PPP1R13L: variants seen among roughly 807,000 people sequenced by gnomAD.
The protein encoded by PPP1R13L is relA-associated inhibitor.
In PPP1R13L, 50 loss-of-function variants were observed where a neutral mutation model predicts 80.9. The observed-to-expected ratio is 0.62, with a 90% confidence interval of 0.49 to 0.78. PPP1R13L has a LOEUF of 0.78. Ranked by LOEUF, PPP1R13L falls within the 30% of genes least tolerant of loss-of-function variation. The pLI, the probability that PPP1R13L is intolerant of heterozygous loss-of-function variation, is 0.00. For missense variants in PPP1R13L, 1,200 were observed against 1,205.9 expected, an observed-to-expected ratio of 1.00 and a Z score of 0.07; for synonymous variants, 602 against 534.3, an observed-to-expected ratio of 1.13 and a Z score of -1.75.
upstream of PPP1R13L, among the ~76,000 whole-genome samples, chr19:45,405,832 C>T (rs35106329): frequency 2.6e-5 from 4 of 152,324 alleles, no homozygotes; most frequent in South Asian, 2.1e-4. Flanking sequence ...CGCCGCCCAA[C>T]GCGGGGCGGC....
chr19:45,390,614 G>C (rs991552140), intron 8 of PPP1R13L, among the ~76,000 whole-genome samples: 1 of 152,036 alleles, frequency 6.6e-6, no homozygotes, highest in African/African-American at 2.4e-5. Flanking sequence ...TTTCTTTTTC[G>C]GGGAGCTCGG....
intron 1 of PPP1R13L, chr19:45,402,084 G>GA (rs1973243975): frequency 1.3e-5 from 2 of 152,210 alleles, no homozygotes; most frequent in Admixed American, 1.3e-4. Flanking sequence ...GGTGCAGGAA[G>GA]AATTCAGAGC....
At chr19:45,397,768 AT>A (rs988347608) in intron 3 of PPP1R13L, among the ~76,000 whole-genome samples, 21 of 151,968 alleles carry the variant, frequency 1.4e-4, no homozygotes, top group African/African-American at 4.6e-4. Context: ...TTAAAAAATC[AT>A]TTGTAGAGGC....
chr19:45,400,723 G>T, intron 1 of PPP1R13L, among the ~76,000 whole-genome samples: 1 of 145,330 alleles, frequency 6.9e-6, no homozygotes, highest in Admixed American at 7.0e-5. Flanking sequence ...GAGTAGCTGA[G>T]ACTATAGGTA....
chr19:45,404,999 G>C lies in PPP1R13L; in HGVS notation c.-22C>G. ...TGGTCCCCAGGAGGGTGAAACTCACGGATCCGGGCAGATCCTGGCACCTGG... is the reference window on the plus strand; with the variant it reads ...TGGTCCCCAGGAGGGTGAAACTCACCGATCCGGGCAGATCCTGGCACCTGG... On this transcript the variant is annotated splice_region_variant and 5_prime_UTR_variant, in exon 1 of 13. Transcript: ENST00000360957. 1.0e-6 allele frequency: 1 copy of C among 985,898 alleles called. No homozygotes were observed. Among genetic ancestry groups the C allele is most frequent in the Non-Finnish European group, 1.2e-6 (1 of 829,954 alleles). 61.1% of individuals were successfully genotyped at this position (985,898 alleles called of 1,614,324 possible).
At chr19:45,400,923 C>T (rs1332275413) in intron 1 of PPP1R13L, among the ~76,000 whole-genome samples, 1 of 76,220 alleles carries the variant, frequency 1.3e-5, no homozygotes, top group Non-Finnish European at 2.1e-5. Flanking sequence ...ACTACAGGCG[C>T]CCGCCACTAC....
chr19:45,385,585 G>T lies in PPP1R13L; in HGVS notation c.2225C>A (p.Ala742Asp). 1 of 1,612,884 alleles carries T rather than the reference G, an allele frequency of 6.2e-7. No homozygotes were observed. The highest frequency in any genetic ancestry group is 8.5e-7 in the Non-Finnish European group (1 of 1,179,754). The change falls in exon 11 of 13, where the codon GCT becomes GAT. Residue 742 changes from alanine to aspartate, a missense_variant. Ala to Asp is a moderately radical substitution (Grantham distance 126). Coordinates refer to ENST00000360957, the MANE Select transcript of PPP1R13L (RefSeq NM_006663.4). ...EKCDPYREGY[A>D]DCATYLADVE... Reference sequence around the variant, plus strand: ...ACCTGCCAGGTAGGTGGCGCAGTCAGCATAACCCTCGCGGTAAGGGTCGCA... The same window carrying T: ...ACCTGCCAGGTAGGTGGCGCAGTCATCATAACCCTCGCGGTAAGGGTCGCA...
Position 45,383,293 on chromosome 19 carries a change from C to CTTT in PPP1R13L, c.2249-570_2249-568dup, listed in dbSNP as rs1164667426. 6.4e-3 allele frequency among the ~76,000 whole-genome samples: 402 copies of CTTT among 62,804 alleles called. 14 individuals carry two copies. The highest frequency in any genetic ancestry group is 0.014 in the African/African-American group (168 of 12,344). The allele number at this position is 62,804 out of a possible 152,430, so 41.2% of individuals were successfully genotyped here. On this transcript the variant is annotated intron_variant, in intron 11 of 12. Coordinates refer to ENST00000360957, the MANE Select transcript of PPP1R13L (RefSeq NM_006663.4). ...ACAGGCGTGAGCCACCGCGCCCGGC[C>CTTT]TTTTTTTTTTTTTTTTTTTTTTTGA...
Position 45,379,970 on chromosome 19 carries a change from C to T in PPP1R13L, c.*220G>A, listed in dbSNP as rs1275996187. ...GTGGTTTCCTGTCCCCAGTGATTTC[C>T]AGCCCTTCCCAGACCTCCCAAGGCT... On this transcript the variant is annotated 3_prime_UTR_variant, in exon 13 of 13. Coordinates refer to ENST00000360957, the MANE Select transcript of PPP1R13L (RefSeq NM_006663.4). 1.0e-5 allele frequency: 5 copies of T among 478,046 alleles called. No individual in the cohort carries two copies. Among genetic ancestry groups the T allele is most frequent in the African/African-American group, 6.0e-5 (3 of 50,308 alleles). 29.6% of individuals were successfully genotyped at this position (478,046 alleles called of 1,614,324 possible). A position where few individuals can be genotyped will look rare whatever the true frequency, so the allele number is the denominator to read the frequency against.
Position 45,385,829 on chromosome 19 carries a change from G to A in PPP1R13L, c.2076C>T (p.His692=). 3 of 1,611,138 alleles carry A rather than the reference G, an allele frequency of 1.9e-6. No homozygotes were observed. The highest frequency in any genetic ancestry group is 1.3e-5 in the African/African-American group (1 of 75,010). Residue 692 remains histidine (H), a synonymous_variant, in exon 10 of 13, where the codon CAC becomes CAT. Coordinates refer to ENST00000360957, the MANE Select transcript of PPP1R13L (RefSeq NM_006663.4). The stretch of plus-strand genomic sequence containing the variant: ...CCGCGCGGGTCGGGGCTCACCAGCC[G>A]TGGCTGTCGGGGGAGTTGACATTGG... ...AGANVNSPDS[H]GWTPLHCAAS... is the part of the protein sequence containing the mutation.
intron 8 of PPP1R13L, 104 bp from the exon 9 acceptor site, chr19:45,386,284 CAG>C (rs1412781739): frequency 1.5e-6 from 2 of 1,360,634 alleles, no homozygotes; most frequent in Non-Finnish European, 1.9e-6. Context: ...CCCATCTAGA[CAG>C]GGGTAGAACT....
intron 1 of PPP1R13L, among the ~76,000 whole-genome samples, chr19:45,400,338 G>T (rs1398400901): frequency 6.6e-6 from 1 of 151,950 alleles, no homozygotes; most frequent in East Asian, 1.9e-4. Flanking sequence ...GGTCAGGCCA[G>T]CACCATCCCT....
At chr19:45,389,346 G>A (rs368074239) in intron 8 of PPP1R13L, among the ~76,000 whole-genome samples, 10 of 152,158 alleles carry the variant, frequency 6.6e-5, no homozygotes, top group East Asian at 1.9e-4. Flanking sequence ...ATCTCTTCCC[G>A]CTGTCTACGC....
rs979479415 is a variant in PPP1R13L, at chr19:45,387,221, T to C, written c.1816-1041A>G. Among the ~76,000 whole-genome samples, 15 of 151,854 alleles carry C rather than the reference T, an allele frequency of 9.9e-5. No homozygotes were observed. In the South Asian group the frequency reaches 2.9e-3, roughly 29 times the overall value. ...AGAAGGAGGCTTCAGTGAGCCATGATCATGCCACTGCACTCTAGCCTGGGC... is the reference window on the plus strand; with the variant it reads ...AGAAGGAGGCTTCAGTGAGCCATGACCATGCCACTGCACTCTAGCCTGGGC... On this transcript the variant is annotated intron_variant, in intron 8 of 12. Transcript: ENST00000360957.
intron 1 of PPP1R13L, among the ~76,000 whole-genome samples, chr19:45,401,745 G>T (rs1281522474): frequency 6.6e-6 from 1 of 152,100 alleles, no homozygotes; most frequent in African/African-American, 2.4e-5. Flanking sequence ...TGCTCTGGAA[G>T]TCTAGATGGA....
intron 8 of PPP1R13L, among the ~76,000 whole-genome samples, chr19:45,388,575 G>A (rs1279333604): frequency 2.6e-5 from 4 of 151,674 alleles, no homozygotes; most frequent in South Asian, 2.1e-4. Context: ...ACTCTGTCTC[G>A]ATAATAATAA....
rs772346171 is a variant in PPP1R13L, at chr19:45,397,050, C to A, written c.207G>T (p.Arg69=). The part of the protein sequence containing the change: ...PQAGPPSRPP[R]YSSSSIPEPF... ...GCTCAGGGATCGAGCTGGAGCTGTACCGGGGCGGCTGTGGGGAGGCCAGGG... is the reference window on the plus strand; with the variant it reads ...GCTCAGGGATCGAGCTGGAGCTGTAACGGGGCGGCTGTGGGGAGGCCAGGG... The change falls in exon 4 of 13, where the codon CGG becomes CGT. Residue 69 remains arginine (R), a synonymous_variant. Transcript: ENST00000360957. The A allele has an allele frequency of 2.3e-6, 3 of 1,320,850 alleles. No individual in the cohort carries two copies. Among genetic ancestry groups the A allele is most frequent in the Non-Finnish European group, 2.9e-6 (3 of 1,036,414 alleles). 81.8% of individuals were successfully genotyped at this position (1,320,850 alleles called of 1,614,324 possible).
At chr19:45,384,315 G>T (rs1377915655) in intron 11 of PPP1R13L, among the ~76,000 whole-genome samples, 1 of 144,470 alleles carries the variant, frequency 6.9e-6, no homozygotes, top group Non-Finnish European at 1.5e-5. Flanking sequence ...GAGGTCAGGG[G>T]TTTGAGACCA....
intron 1 of PPP1R13L, among the ~76,000 whole-genome samples, chr19:45,402,801 C>T (rs1005553151): frequency 2.0e-5 from 3 of 152,228 alleles, no homozygotes; most frequent in African/African-American, 7.2e-5. Flanking sequence ...CCGCTCCACC[C>T]CTGGCTCTCC....
Sources: allele counts gnomAD v4.1 joint callset (sites outside exome capture counted in the v4.1 genomes callset), GRCh38; gene constraint gnomAD v4.1.1; transcripts MANE v1.5; gene names NCBI Gene and HGNC (gene_info 2026-07-23, HGNC 2026-07-21).